The following IGF2BP1 variants were observed in gnomAD, a reference collection of about 807,000 sequenced individuals.
The protein encoded by IGF2BP1 is insulin like growth factor 2 mRNA binding protein 1.
In IGF2BP1, 11 loss-of-function variants were observed where a neutral mutation model predicts 74.9. The ratio of observed to expected loss-of-function variants is 0.15; its 90% CI spans 0.09 to 0.24. The LOEUF (loss-of-function observed/expected upper bound fraction) is 0.24. Among genes scored for constraint, IGF2BP1 ranks in the 10% least tolerant of loss-of-function variants. IGF2BP1 has a pLI of 1.00. For missense variants in IGF2BP1, 440 were observed against 757.4 expected, an observed-to-expected ratio of 0.58 and a Z score of 4.92; for synonymous variants, 287 against 281.8, an observed-to-expected ratio of 1.02 and a Z score of -0.18.
In IGF2BP1 at chr17:49,034,841, C is replaced by T. The variant is rs567783050; in HGVS notation, c.401+2868C>T. 7.9e-5 allele frequency among the ~76,000 whole-genome samples: 12 copies of T among 152,088 alleles called. No homozygotes were observed. In the East Asian group the frequency reaches 2.3e-3, roughly 29 times the overall value. On this transcript the variant is annotated intron_variant, in intron 5 of 14. Transcript: ENST00000290341. ...GAGGTGGATTCAACCAAAGGAGGTG[C>T]CAGACTTAATAGGTGTAAAAATGAC...
intron 1 of IGF2BP1, 47 bp from the exon 2 acceptor site, chr17:48,999,062 A>C: frequency 2.6e-6 from 3 of 1,157,552 alleles, no homozygotes; most frequent in Non-Finnish European, 3.9e-6. Context: ...TCCCACCCCC[A>C]ACCCCTGTTC....
chr17:49,044,389 A>AATACACT (rs1166506031), intron 11 of IGF2BP1, among the ~76,000 whole-genome samples: 3 of 152,116 alleles, frequency 2.0e-5, no homozygotes, highest in Non-Finnish European at 4.4e-5. Flanking sequence ...CCCTTCCCCC[A>AATACACT]ATACACTATA....
chr17:49,049,872 T>G lies in IGF2BP1; in HGVS notation c.*428T>G, dbSNP rs373222585. The G allele has an allele frequency of 1.3e-5, 2 of 153,810 alleles. No individual in the cohort carries two copies. Among genetic ancestry groups the G allele is most frequent in the African/African-American group, 4.8e-5 (2 of 41,500 alleles). The allele number at this position is 153,810 out of a possible 1,614,324, so 9.5% of individuals were successfully genotyped here. On this transcript the variant is annotated 3_prime_UTR_variant, in exon 15 of 15. Transcript: ENST00000290341. ...GTTTTTCCAATCTTCTTCCCCCTACTTGGGTAATTGATTAAAATACCTCCA... is the reference window on the plus strand; with the variant it reads ...GTTTTTCCAATCTTCTTCCCCCTACGTGGGTAATTGATTAAAATACCTCCA...
At chr17:49,014,972 C>T in intron 2 of IGF2BP1, 1 of 981,734 alleles carries the variant, frequency 1.0e-6, no homozygotes, top group Non-Finnish European at 1.2e-6. Context: ...TCTCATGACG[C>T]CTTCCACTGG....
intron 2 of IGF2BP1, among the ~76,000 whole-genome samples, chr17:49,003,967 C>A (rs1413927954): frequency 6.6e-6 from 1 of 151,812 alleles, no homozygotes; most frequent in Non-Finnish European, 1.5e-5. Context: ...CTTCCCCTTT[C>A]AAAAAAGAGA....
At position 49,027,634 on chromosome 17, in the gene IGF2BP1, C is replaced by T. The variant is rs575313920; in HGVS notation, c.337+1117C>T. Among the ~76,000 whole-genome samples, 1,336 of 151,930 alleles carry T rather than the reference C, an allele frequency of 8.8e-3. 8 individuals carry two copies. The highest frequency in any genetic ancestry group is 0.014 in the Non-Finnish European group (933 of 67,952). ...TTGGGAGGCCGAGGCAGGCGGATCA[C>T]GAGGTCAGGAGATCGAGACCATCCT... On this transcript the variant is annotated intron_variant, in intron 4 of 14. Coordinates refer to ENST00000290341, the MANE Select transcript of IGF2BP1 (RefSeq NM_006546.4).
intron 2 of IGF2BP1, among the ~76,000 whole-genome samples, chr17:49,019,987 CATATATAT>C (rs60471350): frequency 1.1e-5 from 1 of 87,510 alleles, no homozygotes; most frequent in Non-Finnish European, 2.1e-5. Flanking sequence ...TACACCCACA[CATATATAT>C]ACACACACAC....
At chr17:49,014,783 A>T (rs769551900) in intron 2 of IGF2BP1, 2 of 985,390 alleles carry the variant, frequency 2.0e-6, no homozygotes, top group Non-Finnish European at 2.4e-6. Flanking sequence ...ATCAGGGGGC[A>T]CTAAGGACCC....
intron 4 of IGF2BP1, among the ~76,000 whole-genome samples, chr17:49,029,259 C>T (rs1029547398): frequency 1.3e-5 from 2 of 152,156 alleles, no homozygotes; most frequent in Non-Finnish European, 2.9e-5. Flanking sequence ...GAAGATTGTT[C>T]TTGCAGAAGC....
At chr17:49,038,544 A>G (rs2042013873) in intron 6 of IGF2BP1, 95 bp downstream of exon 6, 1 of 1,249,506 alleles carries the variant, frequency 8.0e-7, no homozygotes, top group South Asian at 2.1e-5. Flanking sequence ...AGACATCAAC[A>G]TTTACCTTTT....
At chr17:49,038,506 C>T in intron 6 of IGF2BP1, 57 bp downstream of exon 6, 1 of 1,396,926 alleles carries the variant, frequency 7.2e-7, no homozygotes, top group Non-Finnish European at 9.4e-7. Context: ...TGGTTGGTAC[C>T]TAAAGAGGCC....
At chr17:49,018,433 C>T (rs1043613785) in intron 2 of IGF2BP1, among the ~76,000 whole-genome samples, 2 of 152,166 alleles carry the variant, frequency 1.3e-5, no homozygotes, top group Admixed American at 6.6e-5. Context: ...AGGCTGATTC[C>T]TTCTCTACTT....
chr17:49,004,912 C>T (rs1179631482), intron 2 of IGF2BP1: 1 of 152,184 alleles, frequency 6.6e-6, no homozygotes, highest in Non-Finnish European at 1.5e-5. Context: ...CTGTAAGATA[C>T]CACCTGACAC....
intron 2 of IGF2BP1, among the ~76,000 whole-genome samples, chr17:49,007,713 A>T (rs2041566590): frequency 6.6e-6 from 1 of 152,156 alleles, no homozygotes; most frequent in Non-Finnish European, 1.5e-5. Flanking sequence ...GGGAGACAGG[A>T]ACTGAAATGG....
intron 2 of IGF2BP1, among the ~76,000 whole-genome samples, chr17:49,024,855 A>G (rs2041832732): frequency 6.6e-6 from 1 of 152,222 alleles, no homozygotes; most frequent in African/African-American, 2.4e-5. Context: ...ACAAAGTAGT[A>G]TGTGAAGTAG....
chr17:48,997,802 G>A lies in IGF2BP1; in HGVS notation c.57G>A (p.Glu19=). ...LNESVTPADL[E]KVFAEHKISY... ...AGAGCGTGACCCCCGCGGACTTGGAGAAAGTGTTTGCGGAGCACAAGATCT... is the reference window on the plus strand; with the variant it reads ...AGAGCGTGACCCCCGCGGACTTGGAAAAAGTGTTTGCGGAGCACAAGATCT... The change falls in exon 1 of 15, where the codon GAG becomes GAA. Residue 19 remains glutamate, a synonymous_variant. Transcript: ENST00000290341. The surrounding 1 kb of genome is among the most constrained non-coding windows in gnomAD (Gnocchi z 4.8). 2 of 1,614,150 alleles carry A rather than the reference G, an allele frequency of 1.2e-6. No individual in the cohort carries two copies. Among genetic ancestry groups the A allele is most frequent in the Middle Eastern group, 1.6e-4 (1 of 6,062 alleles).
In IGF2BP1 at chr17:49,019,940, A is replaced by G. The variant is rs372500797; in HGVS notation, c.237-5678A>G. On this transcript the variant is annotated intron_variant, in intron 2 of 14. Coordinates refer to ENST00000290341, the MANE Select transcript of IGF2BP1 (RefSeq NM_006546.4). ...TATATATATATATATATATATATATATATATATATTTATATACACACACAC... is the reference window on the plus strand; with the variant it reads ...TATATATATATATATATATATATATGTATATATATTTATATACACACACAC... Among the ~76,000 whole-genome samples the G allele has an allele frequency of 5.0e-3, 247 of 49,890 alleles. 7 individuals are homozygous for G. Among genetic ancestry groups the G allele is most frequent in the African/African-American group, 0.021 (227 of 10,760 alleles). 32.7% of individuals were successfully genotyped at this position (49,890 alleles called of 152,430 possible).
At chr17:49,001,611 C>T (rs1326063794) in intron 2 of IGF2BP1, among the ~76,000 whole-genome samples, 1 of 152,128 alleles carries the variant, frequency 6.6e-6, no homozygotes, top group Non-Finnish European at 1.5e-5. Context: ...TGCATTTCAA[C>T]TGAAAACAGC....
intron 5 of IGF2BP1, among the ~76,000 whole-genome samples, chr17:49,037,665 G>T (rs2042005339): frequency 6.6e-6 from 1 of 152,158 alleles, no homozygotes; most frequent in Admixed American, 6.5e-5. Flanking sequence ...AATCTCCTTT[G>T]ACCTTGGTTT....
Sources: allele counts gnomAD v4.1 joint callset (sites outside exome capture counted in the v4.1 genomes callset), GRCh38; gene constraint gnomAD v4.1.1; non-coding constraint Gnocchi (gnomAD v3.1); transcripts MANE v1.5; gene names NCBI Gene and HGNC (gene_info 2026-07-23, HGNC 2026-07-21).